The following CFAP221 variants were observed in gnomAD, a reference collection of about 807,000 sequenced individuals.
CFAP221 encodes cilia and flagella associated protein 221.
A neutral mutation model predicts 113.1 loss-of-function variants in CFAP221; 97 were observed. That is an observed-to-expected ratio of 0.86 (90% CI 0.73 to 1.02). CFAP221 has a LOEUF of 1.02. CFAP221 is among the 50% of genes least tolerant of loss of function. CFAP221 has a pLI of 0.00. For synonymous variants in CFAP221, 331 were observed against 354.4 expected (o/e 0.93, Z 0.74); for missense variants, 1,025 against 1,013.4 (o/e 1.01, Z -0.16).
In CFAP221 at chr2:119,656,572, A is replaced by G; in HGVS notation, c.*102A>G. 1.4e-6 allele frequency: 1 copy of G among 739,800 alleles called. No homozygotes were observed. Among genetic ancestry groups the G allele is most frequent in the Non-Finnish European group, 2.3e-6 (1 of 434,510 alleles). 45.8% of individuals were successfully genotyped at this position (739,800 alleles called of 1,614,324 possible). On this transcript the variant is annotated 3_prime_UTR_variant, in exon 24 of 24. Coordinates refer to ENST00000413369, the MANE Select transcript of CFAP221 (RefSeq NM_001271049.2). ...CCATCTCTGCAATTAAAGTTTCTGGATAAAAAAATGAAATGTAGAGGATGT... is the reference window on the plus strand; with the variant it reads ...CCATCTCTGCAATTAAAGTTTCTGGGTAAAAAAATGAAATGTAGAGGATGT...
At chr2:119,633,827 G>A (rs1457210397) in intron 19 of CFAP221, among the ~76,000 whole-genome samples, 2 of 152,192 alleles carry the variant, frequency 1.3e-5, no homozygotes, top group African/African-American at 4.8e-5. Context: ...CACAGTAAGT[G>A]TTAAGGAAGA....
chr2:119,636,855 A>G (rs1404991213), intron 19 of CFAP221, among the ~76,000 whole-genome samples: 3 of 152,122 alleles, frequency 2.0e-5, no homozygotes, highest in African/African-American at 7.2e-5. Context: ...GATCTGAAGG[A>G]TGACAACTAT....
intron 6 of CFAP221, among the ~76,000 whole-genome samples, chr2:119,577,205 C>T (rs1682509606): frequency 6.6e-6 from 1 of 152,128 alleles, no homozygotes; most frequent in Non-Finnish European, 1.5e-5. Context: ...GGCTCCAGTC[C>T]CTTCCTCTTC....
chr2:119,559,429 C>T (rs908283572), intron 3 of CFAP221, among the ~76,000 whole-genome samples: 4 of 136,620 alleles, frequency 2.9e-5, no homozygotes, highest in East Asian at 2.5e-4. Flanking sequence ...TGCTAAGTCT[C>T]GGGCTGGGGT....
At chr2:119,610,572 C>G (rs1685081380) in intron 12 of CFAP221, among the ~76,000 whole-genome samples, 1 of 152,080 alleles carries the variant, frequency 6.6e-6, no homozygotes, top group Admixed American at 6.5e-5. Context: ...ACTCCTAATG[C>G]TGGTGGGGGT....
rs1686705557 is a variant in CFAP221, at chr2:119,630,645, A to C, written c.1807A>C (p.Lys603Gln). The C allele has an allele frequency of 3.7e-6, 6 of 1,613,850 alleles. No homozygotes were observed. The highest frequency in any genetic ancestry group is 4.2e-6 in the Non-Finnish European group (5 of 1,179,776). Residue 603 changes from lysine (K) to glutamine (Q), a missense_variant, in exon 18 of 24, where the codon AAG becomes CAG. Physicochemically the swap from Lys to Gln is moderately conservative, Grantham distance 53. Transcript: ENST00000413369. ...GTCTTCAACAAGTTACAGACCTCAA[A>C]AGCTTGCCCGAGCCCTAAAGCAAGG... is the stretch of plus-strand genomic sequence containing the variant. ...HKSSTSYRPQKLARALKQGAE... is the reference protein window; with the variant it reads ...HKSSTSYRPQQLARALKQGAE...
At chr2:119,567,279 C>T (rs912496130) in intron 6 of CFAP221, among the ~76,000 whole-genome samples, 3 of 152,200 alleles carry the variant, frequency 2.0e-5, no homozygotes, top group African/African-American at 7.2e-5. Context: ...ATTCATTCCT[C>T]CTCCAACCCC....
intron 7 of CFAP221, among the ~76,000 whole-genome samples, chr2:119,596,540 T>A (rs1683995400): frequency 6.6e-6 from 1 of 152,246 alleles, no homozygotes; most frequent in Non-Finnish European, 1.5e-5. Context: ...TCAGGTTGTC[T>A]GGTGTTGCAG....
intron 1 of CFAP221, chr2:119,545,185 C>T (rs1289604943): frequency 4.0e-5 from 6 of 151,516 alleles, no homozygotes; most frequent in African/African-American, 9.7e-5. Context: ...AAAAACAAAA[C>T]CGAAAAAACA....
intron 7 of CFAP221, among the ~76,000 whole-genome samples, chr2:119,599,436 C>T (rs1230734471): frequency 6.6e-6 from 1 of 152,142 alleles, no homozygotes; most frequent in African/African-American, 2.4e-5. Flanking sequence ...ATTTATTGTG[C>T]TGGGAATGCA....
At chr2:119,579,778 A>G (rs1016946472) in intron 6 of CFAP221, among the ~76,000 whole-genome samples, 1 of 152,254 alleles carries the variant, frequency 6.6e-6, no homozygotes, top group African/African-American at 2.4e-5. Flanking sequence ...AATTGAGTAT[A>G]TGTAACAAAT....
chr2:119,611,217 T>TACAA (rs1558960592), intron 12 of CFAP221, among the ~76,000 whole-genome samples: 5 of 152,140 alleles, frequency 3.3e-5, no homozygotes, highest in African/African-American at 1.2e-4. Context: ...TATAGTCCCA[T>TACAA]AGTTACAGTT....
intron 19 of CFAP221, among the ~76,000 whole-genome samples, chr2:119,632,053 G>A (rs1242720466): frequency 2.0e-5 from 3 of 152,126 alleles, no homozygotes; most frequent in Middle Eastern, 6.8e-3. Flanking sequence ...CAGGCCCAGA[G>A]GCCTTCACTA....
chr2:119,586,526 G>A (rs750545702), intron 6 of CFAP221, among the ~76,000 whole-genome samples: 7 of 152,120 alleles, frequency 4.6e-5, no homozygotes, highest in South Asian at 2.1e-4. Context: ...CCTCCTCCAC[G>A]TTCTCTAATG....
chr2:119,613,722 G>A (rs1304727062), intron 13 of CFAP221, among the ~76,000 whole-genome samples: 1 of 152,220 alleles, frequency 6.6e-6, no homozygotes, highest in Non-Finnish European at 1.5e-5. Context: ...GGGCTGCCAT[G>A]AAGACCTCTG....
intron 22 of CFAP221, chr2:119,648,403 T>G (rs769409287): frequency 5.9e-5 from 15 of 255,522 alleles, no homozygotes; most frequent in Middle Eastern, 8.8e-4. Context: ...ATTTCTGATA[T>G]TTTTAAATTT....
At chr2:119,585,244 T>C (rs990993374) in intron 6 of CFAP221, among the ~76,000 whole-genome samples, 1 of 152,242 alleles carries the variant, frequency 6.6e-6, no homozygotes, top group Non-Finnish European at 1.5e-5. Context: ...CATATTTTTA[T>C]GCATACATAT....
chr2:119,602,421 T>C (rs1386748099), intron 8 of CFAP221, among the ~76,000 whole-genome samples: 1 of 152,144 alleles, frequency 6.6e-6, no homozygotes, highest in Non-Finnish European at 1.5e-5. Context: ...AATACCAATC[T>C]TAGAAGATTC....
intron 8 of CFAP221, 69 bp from the exon 9 acceptor site, chr2:119,604,603 G>A (rs1026200276): frequency 2.2e-6 from 3 of 1,389,766 alleles, no homozygotes; most frequent in African/African-American, 1.5e-5. Context: ...TTATCAGAAG[G>A]AACATAAAAC....
Sources: gnomAD v4.1 joint callset for allele counts (sites outside exome capture counted in the v4.1 genomes callset) on GRCh38, gnomAD v4.1.1 for gene constraint, MANE v1.5 for transcripts, NCBI Gene and HGNC (gene_info 2026-07-23, HGNC 2026-07-21) for gene names.